The following TNS1 variants were observed in gnomAD, a reference collection of about 807,000 sequenced individuals.
The protein encoded by TNS1 is tensin-1.
A neutral mutation model predicts 168.6 loss-of-function variants in TNS1; 62 were observed. The observed-to-expected ratio is 0.37, with a 90% CI of 0.30 to 0.45. The LOEUF (loss-of-function observed/expected upper bound fraction) is 0.45. Ranked by LOEUF, TNS1 falls within the 20% of genes least tolerant of loss-of-function variation. TNS1 has a pLI of 1.00. For synonymous variants in TNS1, 934 were observed against 933.2 expected (o/e 1.00, Z -0.02); for missense variants, 2,240 against 2,339.4 (o/e 0.96, Z 0.88).
At chr2:217,829,710 C>G in intron 22 of TNS1, 2 of 981,562 alleles carry the variant, frequency 2.0e-6, no homozygotes, top group South Asian at 1.5e-5. Context: ...CGTTGGGGGA[C>G]AGGAAGGCCA....
intron 3 of TNS1, among the ~76,000 whole-genome samples, chr2:217,931,386 G>C (rs1012134929): frequency 1.3e-5 from 2 of 152,216 alleles, no homozygotes; most frequent in African/African-American, 2.4e-5. Flanking sequence ...AAAAATCTAA[G>C]AGCAGTGGGA....
intron 18 of TNS1, among the ~76,000 whole-genome samples, chr2:217,873,457 C>T (rs758384264): frequency 3.7e-4 from 57 of 152,254 alleles, no homozygotes; most frequent in Non-Finnish European, 7.1e-4. Context: ...AAGACAGGGG[C>T]CTAACTGTGC....
Position 217,848,186 on chromosome 2 carries a change from C to A in TNS1, c.2331G>T (p.Gln777His). 6.2e-7 allele frequency: 1 copy of A among 1,604,970 alleles called. No individual in the cohort carries two copies. Among genetic ancestry groups the A allele is most frequent in the Non-Finnish European group, 8.5e-7 (1 of 1,175,388 alleles). Residue 777 changes from glutamine to histidine, a missense_variant, in exon 19 of 33, where the codon CAG becomes CAT. Physicochemically the swap from Gln to His is conservative, Grantham distance 24. This residue lies in a region of TNS1 where 2,131 missense variants were observed against 2,171.2 expected (regional missense o/e 0.98). Transcript: ENST00000682258. ...GAGGCTGCTGCTGCTGCTGCTGCTG[C>A]TGCTGCCACGAATTCAGTCCCCTTT... ...AVQRGLNSWQQQQQQQQQPRP... is the reference protein window; with the variant it reads ...AVQRGLNSWQHQQQQQQQPRP...
chr2:217,934,141 A>G (rs2125914356), intron 3 of TNS1, among the ~76,000 whole-genome samples: 1 of 152,238 alleles, frequency 6.6e-6, no homozygotes, highest in Non-Finnish European at 1.5e-5. Flanking sequence ...TTGAGCTGGG[A>G]CTCAAACCCA....
rs1958907808 is a variant in TNS1, at chr2:218,032,742, C to T, written c.156+1078G>A. On this transcript the variant is annotated intron_variant, in intron 1 of 1. Transcript: ENST00000649572. This position sits in a 1 kb window ranked among gnomAD's most constrained non-coding sequence, Gnocchi z 4.0. ...GGGGGAGCCCCGAGCAGCAGCAACC[C>T]TCACTGGAGCCAGAGTCAGGGCACA... Among the ~76,000 whole-genome samples the T allele has an allele frequency of 6.6e-6, 1 of 152,178 alleles. No homozygotes were observed. The highest frequency in any genetic ancestry group is 2.4e-5 in the African/African-American group (1 of 41,436).
At chr2:217,830,473 T>G in intron 22 of TNS1, 1 of 1,502,128 alleles carries the variant, frequency 6.7e-7, no homozygotes. Flanking sequence ...CTGAGTTCAG[T>G]GGCCCCACAT....
intron 18 of TNS1, chr2:217,849,978 G>A: frequency 1.0e-6 from 1 of 985,400 alleles, no homozygotes; most frequent in Non-Finnish European, 1.2e-6. Context: ...ACCATTCAGA[G>A]ATACAATGTC....
At chr2:218,030,518 A>G (rs1958883275) in intron 1 of TNS1, among the ~76,000 whole-genome samples, 1 of 152,240 alleles carries the variant, frequency 6.6e-6, no homozygotes, top group African/African-American at 2.4e-5. Flanking sequence ...CCCAGCCCCA[A>G]GCTCCATGCC....
chr2:218,001,089 G>A (rs1054105374), intron 1 of TNS1, among the ~76,000 whole-genome samples: 2 of 152,018 alleles, frequency 1.3e-5, no homozygotes, highest in African/African-American at 4.8e-5. Context: ...GGAGGTAGAG[G>A]TTATAGTGAG....
intron 22 of TNS1, chr2:217,829,749 G>T: frequency 6.8e-7 from 1 of 1,470,942 alleles, no homozygotes; most frequent in Non-Finnish European, 9.5e-7. Flanking sequence ...TCCCAGTGAG[G>T]AAAGAGAGCT....
intron 8 of TNS1, among the ~76,000 whole-genome samples, chr2:217,897,203 A>G (rs75951541): frequency 0.047 from 7,227 of 152,262 alleles, 553 homozygotes; most frequent in African/African-American, 0.16. Flanking sequence ...AGGACGGATC[A>G]GCCTTTCTGC....
At chr2:217,874,140 T>C (rs1950015620) in intron 18 of TNS1, among the ~76,000 whole-genome samples, 1 of 152,040 alleles carries the variant, frequency 6.6e-6, no homozygotes, top group African/African-American at 2.4e-5. Flanking sequence ...CAAAAGACCT[T>C]GTATTACCTG....
At chr2:217,859,749 G>A in intron 18 of TNS1, 1 of 1,435,930 alleles carries the variant, frequency 7.0e-7, no homozygotes, top group Non-Finnish European at 9.5e-7. Flanking sequence ...AGTTCGCAAT[G>A]CCTCACCCTC....
In TNS1 at chr2:217,848,589, G is replaced by A. The variant is rs1228742782; in HGVS notation, c.1928C>T (p.Thr643Ile). The change falls in exon 19 of 33, where the codon ACA (threonine) becomes ATA (isoleucine). Residue 643 changes from threonine to isoleucine, a missense_variant. By Grantham distance (89) the Thr-to-Ile change is moderately conservative. Around this residue, in one of 2 missense-constraint regions of TNS1, gnomAD observed 2,131 missense variants for 2,171.2 expected, o/e 0.98. Coordinates refer to ENST00000682258, the MANE Select transcript of TNS1 (RefSeq NM_001387777.1). ...GGTGACCCCGTCCAGAGAAGAGAGT[G>A]TGCCCATGCTGCCCGCACTGTGACC... ...QDGHSAGSMG[T>I]LSSLDGVTNT... 2 of 1,614,086 alleles carry A rather than the reference G, an allele frequency of 1.2e-6. No individual in the cohort carries two copies. Among genetic ancestry groups the A allele is most frequent in the Non-Finnish European group, 1.7e-6 (2 of 1,180,036 alleles).
At chr2:217,923,050 C>T (rs1045336336) in intron 3 of TNS1, among the ~76,000 whole-genome samples, 1 of 152,180 alleles carries the variant, frequency 6.6e-6, no homozygotes, top group African/African-American at 2.4e-5. Flanking sequence ...GAGCCAGGGC[C>T]CCCTGCCACT....
At chr2:218,004,028 C>T (rs570473968), upstream of TNS1, among the ~76,000 whole-genome samples, 1 of 152,354 alleles carries the variant, frequency 6.6e-6, no homozygotes, top group Admixed American at 6.5e-5. Context: ...TCTGGAACCA[C>T]CACGTTCCCC....
chr2:217,933,694 C>A (rs1451739262), intron 3 of TNS1, among the ~76,000 whole-genome samples: 1 of 152,178 alleles, frequency 6.6e-6, no homozygotes, highest in Non-Finnish European at 1.5e-5. Flanking sequence ...TCAAAGTGCC[C>A]ACTGCAGCCT....
chr2:217,918,240 A>G (rs906120451), intron 4 of TNS1, among the ~76,000 whole-genome samples: 2 of 152,228 alleles, frequency 1.3e-5, no homozygotes, highest in Admixed American at 6.5e-5. Context: ...ATTATGAAGA[A>G]GAGAAACGGA....
rs1413107402 is a variant in TNS1, at chr2:217,906,354, CGT to C, written c.300_301del (p.Arg101GlufsTer36). The stretch of plus-strand genomic sequence containing the variant: ...ACTCACGTTGTCCTCGAGGCTTTTC[CGT>C]GTGTTTCCACCCCGGGAGGCTCCTT... On this transcript the variant is annotated frameshift_variant, in exon 6 of 33. Transcript: ENST00000682258. LOFTEE classifies it high-confidence loss of function. The C allele has an allele frequency of 5.7e-6, 4 of 701,068 alleles. No individual in the cohort carries two copies. The highest frequency in any genetic ancestry group is 1.0e-5 in the Non-Finnish European group (4 of 384,056). The allele number at this position is 701,068 out of a possible 1,614,324, so 43.4% of individuals were successfully genotyped here.
Sources: allele counts gnomAD v4.1 joint callset (sites outside exome capture counted in the v4.1 genomes callset), GRCh38; gene constraint gnomAD v4.1.1; regional missense constraint gnomAD v4.1.1; non-coding constraint Gnocchi (gnomAD v3.1); transcripts MANE v1.5; gene names NCBI Gene and HGNC (gene_info 2026-07-23, HGNC 2026-07-21).